Variants in FRYL observed in about 807,000 individuals in gnomAD.
FRYL encodes the protein FRY like transcription coactivator, also known as protein furry homolog-like.
In FRYL, 150 loss-of-function variants were observed where a neutral mutation model predicts 351.2. The ratio of observed to expected loss-of-function variants is 0.43; its 90% CI spans 0.37 to 0.49. The LOEUF (loss-of-function observed/expected upper bound fraction) is 0.49. FRYL is among the 20% of genes least tolerant of loss of function. FRYL has a pLI of 0.00. For synonymous variants in FRYL, 1,153 were observed against 1,257.1 expected (o/e 0.92, Z 1.75); for missense variants, 3,036 against 3,619.3 (o/e 0.84, Z 4.13).
chr4:48,520,193 A>C (rs1724600771), intron 55 of FRYL, among the ~76,000 whole-genome samples: 1 of 152,152 alleles, frequency 6.6e-6, no homozygotes, highest in Non-Finnish European at 1.5e-5. Context: ...AATGATCTAA[A>C]CCTTAGCCAT....
At chr4:48,576,295 G>T in intron 23 of FRYL, 73 bp from the exon 24 acceptor site, 6 of 1,121,746 alleles carry the variant, frequency 5.3e-6, no homozygotes, top group Non-Finnish European at 4.8e-6. Context: ...TTTAACTAAT[G>T]CTAAATTTCT....
chr4:48,654,309 A>AAAAAAC (rs960426439), intron 3 of FRYL, among the ~76,000 whole-genome samples: 3 of 146,736 alleles, frequency 2.0e-5, no homozygotes, highest in African/African-American at 2.5e-5. Context: ...AAAAAAAAAA[A>AAAAAAC]AAAAACAAAA....
chr4:48,540,891 A>G lies in FRYL; in HGVS notation c.5757T>C (p.Asn1919=). The G allele has an allele frequency of 6.2e-7, 1 of 1,613,716 alleles. No individual in the cohort carries two copies. The highest frequency in any genetic ancestry group is 8.5e-7 in the Non-Finnish European group (1 of 1,179,748). ...TACTATTAATGGGACTTGTGCTTAG[A>G]TTGAGTTGTCCAGTGCTTTTCCTGT... ...AANRKSTGQL[N]LSTSPINSSS... Residue 1919 remains asparagine (N), a synonymous_variant, in exon 46 of 64, where the codon AAT becomes AAC. Transcript: ENST00000358350.
chr4:48,665,130 T>C (rs1396672211), intron 3 of FRYL, among the ~76,000 whole-genome samples: 2 of 152,216 alleles, frequency 1.3e-5, no homozygotes, highest in Admixed American at 1.3e-4. Context: ...TATGCAGCAA[T>C]TATATTGCTT....
intron 13 of FRYL, among the ~76,000 whole-genome samples, chr4:48,600,624 A>G (rs1400421580): frequency 1.3e-5 from 2 of 152,182 alleles, no homozygotes; most frequent in African/African-American, 2.4e-5. Flanking sequence ...TAAAAATTCC[A>G]ACAAGCAACA....
intron 44 of FRYL, 39 bp downstream of exon 44, chr4:48,543,768 T>C: frequency 4.5e-6 from 7 of 1,563,516 alleles, no homozygotes; most frequent in Non-Finnish European, 6.1e-6. Flanking sequence ...TGACAACTAG[T>C]AGCTGCTCAA....
chr4:48,596,851 TCTC>T (rs1352714033), intron 13 of FRYL, among the ~76,000 whole-genome samples: 3 of 151,638 alleles, frequency 2.0e-5, no homozygotes, highest in Admixed American at 6.6e-5. Flanking sequence ...TAGCTAATAA[TCTC>T]CTTTTTTTTT....
At chr4:48,624,859 G>GGT (rs1751446565) in intron 4 of FRYL, among the ~76,000 whole-genome samples, 1 of 152,150 alleles carries the variant, frequency 6.6e-6, no homozygotes, top group African/African-American at 2.4e-5. Flanking sequence ...GAACAAAAGA[G>GGT]GTGACCTTCC....
intron 3 of FRYL, among the ~76,000 whole-genome samples, chr4:48,664,324 G>C (rs1434080802): frequency 6.6e-6 from 1 of 152,194 alleles, no homozygotes; most frequent in Non-Finnish European, 1.5e-5. Flanking sequence ...AAGTCAATGG[G>C]CTATTTAAAT....
At chr4:48,675,386 C>T (rs1034379755) in intron 3 of FRYL, among the ~76,000 whole-genome samples, 1 of 152,232 alleles carries the variant, frequency 6.6e-6, no homozygotes, top group African/African-American at 2.4e-5. Flanking sequence ...CGCTTGCGGG[C>T]CAGCTGGAGT....
At chr4:48,626,130 A>G (rs1426017669) in intron 4 of FRYL, among the ~76,000 whole-genome samples, 1 of 152,128 alleles carries the variant, frequency 6.6e-6, no homozygotes, top group Non-Finnish European at 1.5e-5. Flanking sequence ...TTACAGAATA[A>G]AAGTGTTTTA....
At chr4:48,640,215 T>C (rs1305737014) in intron 3 of FRYL, among the ~76,000 whole-genome samples, 3 of 152,206 alleles carry the variant, frequency 2.0e-5, no homozygotes, top group Admixed American at 6.6e-5. Flanking sequence ...TGGTTGCTTA[T>C]AGCAGCTTTA....
At chr4:48,510,713 A>C in intron 58 of FRYL, 122 bp downstream of exon 58, 1 of 782,382 alleles carries the variant, frequency 1.3e-6, no homozygotes, top group Non-Finnish European at 2.2e-6. Context: ...CCACATATTT[A>C]TAATCATGTT....
In FRYL at chr4:48,511,003, G is replaced by C; in HGVS notation, c.8146-19C>G. 1 of 1,595,166 alleles carries C rather than the reference G, an allele frequency of 6.3e-7. No individual in the cohort carries two copies. Among genetic ancestry groups the C allele is most frequent in the South Asian group, 1.1e-5 (1 of 87,788 alleles). ...GAATTGTCTATGGAGAAAAGCAGAA[G>C]AAAGAGTTTAGTGTTTCATAAGAAG... On this transcript the variant is annotated intron_variant, in intron 57 of 63. Coordinates refer to ENST00000358350, the MANE Select transcript of FRYL (RefSeq NM_015030.2).
At chr4:48,657,379 G>C (rs1475782676) in intron 3 of FRYL, among the ~76,000 whole-genome samples, 1 of 104,842 alleles carries the variant, frequency 9.5e-6, no homozygotes, top group African/African-American at 3.5e-5. Context: ...TTTTGGAGAA[G>C]TAGGTTCTTG....
At chr4:48,731,229 T>G (rs1770690281) in intron 1 of FRYL, among the ~76,000 whole-genome samples, 1 of 152,122 alleles carries the variant, frequency 6.6e-6, no homozygotes, top group African/African-American at 2.4e-5. Context: ...AGCAAGTTCT[T>G]AGAGACCTAT....
chr4:48,562,800 A>G, intron 32 of FRYL, 89 bp downstream of exon 32: 1 of 743,528 alleles, frequency 1.3e-6, no homozygotes, highest in South Asian at 1.6e-5. Flanking sequence ...GCTAAATACT[A>G]TTATCAGTAT....
At position 48,557,593 on chromosome 4, in the gene FRYL, G is replaced by A. The variant is rs778783611; in HGVS notation, c.3985C>T (p.Arg1329Ter). ...VDLKPLPTAR[R>*]HDEDEDDSLK... ...GAATCATCTTCATCTTCATCATGTC[G>A]CCTTGCTGTGGGGAGAGGTTTTAAG... The change falls in exon 34 of 64, where the codon CGA (arginine) becomes TGA (stop). Residue 1329 changes from arginine (R) to a stop codon, truncating the protein, a stop_gained. Transcript: ENST00000358350. LOFTEE classifies it high-confidence loss of function. 1.2e-6 allele frequency: 2 copies of A among 1,614,044 alleles called. No individual in the cohort carries two copies. The highest frequency in any genetic ancestry group is 1.1e-5 in the South Asian group (1 of 91,074).
chr4:48,744,969 G>C (rs567520250), intron 1 of FRYL, among the ~76,000 whole-genome samples: 5 of 152,170 alleles, frequency 3.3e-5, no homozygotes, highest in Non-Finnish European at 7.4e-5. Context: ...AGATGTCCCA[G>C]TAAATTATGA....
Sources: gnomAD v4.1 joint callset for allele counts (sites outside exome capture counted in the v4.1 genomes callset) on GRCh38, gnomAD v4.1.1 for gene constraint, MANE v1.5 for transcripts, NCBI Gene and HGNC (gene_info 2026-07-23, HGNC 2026-07-21) for gene names.